Variants in TBC1D12 observed in about 807,000 individuals in gnomAD.
TBC1D12 encodes the protein TBC1 domain family member 12.
TBC1D12 carries 56 observed loss-of-function variants against 86.7 expected under a neutral mutation model. The observed-to-expected ratio is 0.65, with a 90% CI of 0.52 to 0.81. TBC1D12 has a LOEUF of 0.81. TBC1D12 is among the 30% of genes least tolerant of loss of function. The pLI is 0.00. For missense variants in TBC1D12, 1,023 were observed against 1,038.8 expected (o/e 0.98, Z 0.21); for synonymous variants, 421 against 411.7 (o/e 1.02, Z -0.27).
chr10:94,533,774 A>G lies in TBC1D12; in HGVS notation c.*678A>G, dbSNP rs1469732941. Reference sequence around the variant, plus strand: ...TCCTATCACTCAGAGAATTTTAGCCATTCTGGTTCTAGTCTAACAAATTAT... The same window carrying G: ...TCCTATCACTCAGAGAATTTTAGCCGTTCTGGTTCTAGTCTAACAAATTAT... On this transcript the variant is annotated 3_prime_UTR_variant, in exon 13 of 13. Transcript: ENST00000225235. 1.3e-5 allele frequency: 2 copies of G among 152,198 alleles called. No homozygotes were observed. Among genetic ancestry groups the G allele is most frequent in the Non-Finnish European group, 2.9e-5 (2 of 68,024 alleles). 9.4% of individuals were successfully genotyped at this position (152,198 alleles called of 1,614,324 possible). A position where few individuals can be genotyped will look rare whatever the true frequency, so the allele number is the denominator to read the frequency against.
rs867860345 is a variant in TBC1D12, at chr10:94,474,744, C to T, written c.1172C>T (p.Pro391Leu). 8 of 1,614,030 alleles carry T rather than the reference C, an allele frequency of 5.0e-6. No individual in the cohort carries two copies. Among genetic ancestry groups the T allele is most frequent in the Middle Eastern group, 1.7e-4 (1 of 6,060 alleles). ...SSRRKNFEFE[P>L]LSTTALILED... ...AGACGCAAGAATTTTGAATTTGAGC[C>T]GCTTTCTACCACTGCCTTGATTCTT... The change falls in exon 3 of 13, where the codon CCG (proline) becomes CTG (leucine). Residue 391 changes from proline to leucine, a missense_variant. Transcript: ENST00000225235.
intron 1 of TBC1D12, among the ~76,000 whole-genome samples, chr10:94,439,619 C>T (rs2055351859): frequency 6.6e-6 from 1 of 152,194 alleles, no homozygotes; most frequent in Non-Finnish European, 1.5e-5. Context: ...CTACCCGATC[C>T]ACTCTGCAGC....
chr10:94,427,192 C>T (rs368600975), intron 1 of TBC1D12, among the ~76,000 whole-genome samples: 102 of 152,336 alleles, frequency 6.7e-4, no homozygotes, highest in African/African-American at 2.2e-3. Flanking sequence ...CATTCCTCAT[C>T]AGTCATCTTG....
At chr10:94,506,277 G>A (rs2056459800) in intron 6 of TBC1D12, among the ~76,000 whole-genome samples, 2 of 152,266 alleles carry the variant, frequency 1.3e-5, no homozygotes, top group East Asian at 3.9e-4. Flanking sequence ...GACCTCAGGT[G>A]ATCCACCCGC....
chr10:94,516,524 C>T (rs1841996525), intron 9 of TBC1D12, among the ~76,000 whole-genome samples: 1 of 151,072 alleles, frequency 6.6e-6, no homozygotes, highest in African/African-American at 2.4e-5. Flanking sequence ...CCCATTAACT[C>T]GTCATTTACA....
At chr10:94,510,469 T>C (rs1013148877) in intron 8 of TBC1D12, among the ~76,000 whole-genome samples, 1 of 152,316 alleles carries the variant, frequency 6.6e-6, no homozygotes, top group Non-Finnish European at 1.5e-5. Context: ...TTGTAAGATA[T>C]ATGAATTCTT....
intron 12 of TBC1D12, among the ~76,000 whole-genome samples, 167 bp downstream of exon 12, chr10:94,531,627 C>T (rs1473813688): frequency 1.3e-5 from 2 of 149,320 alleles, no homozygotes; most frequent in Non-Finnish European, 3.0e-5. Context: ...TTGCAGCTAT[C>T]CAAACATAGG....
At chr10:94,457,517 T>C (rs1033659445) in intron 2 of TBC1D12, among the ~76,000 whole-genome samples, 2 of 152,182 alleles carry the variant, frequency 1.3e-5, no homozygotes, top group Non-Finnish European at 2.9e-5. Flanking sequence ...TGGCCTCAAA[T>C]GGTCCTCCTG....
intron 2 of TBC1D12, among the ~76,000 whole-genome samples, chr10:94,451,673 T>C (rs2055551099): frequency 6.6e-6 from 1 of 152,178 alleles, no homozygotes; most frequent in Non-Finnish European, 1.5e-5. Context: ...GGTCTGCTTA[T>C]ATCAAATATT....
rs187674377 is a variant in TBC1D12, at chr10:94,408,378, A to G, written c.971+4794A>G. 5.7e-3 allele frequency among the ~76,000 whole-genome samples: 865 copies of G among 152,270 alleles called. 3 individuals carry two copies. Among genetic ancestry groups the G allele is most frequent in the Non-Finnish European group, 9.1e-3 (617 of 68,014 alleles). On this transcript the variant is annotated intron_variant, in intron 1 of 12. Coordinates refer to ENST00000225235, the MANE Select transcript of TBC1D12 (RefSeq NM_015188.2). The stretch of plus-strand genomic sequence containing the variant: ...CTTCCTAAATATTGTGGCAAAAGCT[A>G]TTTTCACAGAGCTCTTTTTACAATG...
chr10:94,433,421 T>C (rs1211078270), intron 1 of TBC1D12, among the ~76,000 whole-genome samples: 1 of 152,130 alleles, frequency 6.6e-6, no homozygotes, highest in East Asian at 1.9e-4. Flanking sequence ...ACCTGGCTAA[T>C]GCAAGATAAT....
chr10:94,509,982 T>C, intron 7 of TBC1D12, 109 bp from the exon 8 acceptor site: 1 of 731,064 alleles, frequency 1.4e-6, no homozygotes. Context: ...TTCTTGATTA[T>C]TCAGCTTTTA....
At chr10:94,476,197 A>G (rs953251960) in intron 3 of TBC1D12, among the ~76,000 whole-genome samples, 5 of 150,680 alleles carry the variant, frequency 3.3e-5, no homozygotes, top group African/African-American at 1.2e-4. Flanking sequence ...TTTTCTACCC[A>G]TTTTCCTGAT....
At chr10:94,406,238 G>C (rs1166677905) in intron 1 of TBC1D12, among the ~76,000 whole-genome samples, 3 of 152,058 alleles carry the variant, frequency 2.0e-5, no homozygotes, top group Non-Finnish European at 4.4e-5. Context: ...TTTACTTATA[G>C]ACTAATAGAA....
intron 1 of TBC1D12, among the ~76,000 whole-genome samples, chr10:94,438,018 T>A (rs965826722): frequency 3.2e-5 from 3 of 93,668 alleles, no homozygotes; most frequent in Admixed American, 1.2e-4. Flanking sequence ...TTTTTTTTTT[T>A]ATGAAATTGA....
At chr10:94,450,441 C>T (rs1477869996) in intron 2 of TBC1D12, among the ~76,000 whole-genome samples, 1 of 151,690 alleles carries the variant, frequency 6.6e-6, no homozygotes, top group Non-Finnish European at 1.5e-5. Flanking sequence ...AAAAAGCAAA[C>T]AGGAATGAAT....
intron 12 of TBC1D12, among the ~76,000 whole-genome samples, chr10:94,531,914 A>ATGTTATGTTATGTTAT (rs1341164453): frequency 6.6e-6 from 1 of 150,874 alleles, no homozygotes; most frequent in Non-Finnish European, 1.5e-5. Flanking sequence ...ATGTTATTTT[A>ATGTTATGTTATGTTAT]TTGTCACCCA....
intron 2 of TBC1D12, 67 bp downstream of exon 2, chr10:94,442,086 T>TC: frequency 1.1e-6 from 1 of 904,326 alleles, no homozygotes. Context: ...CTTCTTCTTT[T>TC]TTTTTTTTTT....
chr10:94,424,688 G>A (rs2055124528), intron 1 of TBC1D12, among the ~76,000 whole-genome samples: 4 of 152,200 alleles, frequency 2.6e-5, no homozygotes, highest in African/African-American at 9.7e-5. Context: ...TTTCATTACA[G>A]GCCCTGGGAG....
Sources: gnomAD v4.1 joint callset for allele counts (sites outside exome capture counted in the v4.1 genomes callset) on GRCh38, gnomAD v4.1.1 for gene constraint, MANE v1.5 for transcripts, NCBI Gene and HGNC (gene_info 2026-07-23, HGNC 2026-07-21) for gene names.